BICD1: variants seen among roughly 807,000 people sequenced by gnomAD.
BICD1 encodes the protein BICD cargo adaptor 1.
In BICD1, 35 loss-of-function variants were observed where a neutral mutation model predicts 92.5. The observed-to-expected ratio is 0.38, with a 90% CI of 0.29 to 0.50. The LOEUF (loss-of-function observed/expected upper bound fraction) is 0.50. Among genes scored for constraint, BICD1 ranks in the 20% least tolerant of loss-of-function variants. BICD1 has a pLI of 0.93. For missense variants in BICD1, 950 were observed against 1,189.8 expected (o/e 0.80, Z 2.97); for synonymous variants, 429 against 465.1 (o/e 0.92, Z 1.00).
intron 2 of BICD1, among the ~76,000 whole-genome samples, chr12:32,249,663 G>A (rs1393376806): frequency 6.6e-6 from 1 of 151,130 alleles, no homozygotes; most frequent in Non-Finnish European, 1.5e-5. Context: ...GACTCCTTGA[G>A]ATGGAGTTTT....
chr12:32,284,262 C>T (rs1289986146), intron 2 of BICD1, among the ~76,000 whole-genome samples: 2 of 152,190 alleles, frequency 1.3e-5, no homozygotes, highest in Non-Finnish European at 2.9e-5. Flanking sequence ...CCACCTGGAC[C>T]AGATCAGTTG....
rs538024648 is a variant in BICD1, at chr12:32,362,513, C to T, written c.2765-5157C>T. Reference sequence around the variant, plus strand: ...CACCTCTTTTTAAAAACAATATTATCTTCATTCCTGTACCCTTCATTTTGC... The same window carrying T: ...CACCTCTTTTTAAAAACAATATTATTTTCATTCCTGTACCCTTCATTTTGC... On this transcript the variant is annotated intron_variant, in intron 8 of 9. Coordinates refer to ENST00000652176, the MANE Select transcript of BICD1 (RefSeq NM_001714.4). Among the ~76,000 whole-genome samples the T allele has an allele frequency of 2.8e-4, 43 of 152,294 alleles. No individual in the cohort carries two copies. In the South Asian group the frequency reaches 8.3e-3, roughly 29 times the overall value.
chr12:32,202,002 A>G (rs1450129136), intron 1 of BICD1, among the ~76,000 whole-genome samples: 1 of 152,228 alleles, frequency 6.6e-6, no homozygotes, highest in Non-Finnish European at 1.5e-5. Flanking sequence ...ACTAGCTTTT[A>G]ACACAGCCAG....
At chr12:32,232,420 C>T (rs1389347207) in intron 2 of BICD1, among the ~76,000 whole-genome samples, 2 of 151,976 alleles carry the variant, frequency 1.3e-5, no homozygotes. Context: ...CCTTCACCTA[C>T]TTTTTGATGG....
intron 1 of BICD1, among the ~76,000 whole-genome samples, chr12:32,188,750 C>T (rs1445436173): frequency 1.3e-5 from 2 of 149,262 alleles, no homozygotes; most frequent in Non-Finnish European, 1.5e-5. Context: ...TTTTTTGAGA[C>T]AGAGTCTCAC....
chr12:32,146,249 A>C (rs1348588521), intron 1 of BICD1, among the ~76,000 whole-genome samples: 1 of 152,218 alleles, frequency 6.6e-6, no homozygotes, highest in African/African-American at 2.4e-5. Flanking sequence ...TCACTGTTAC[A>C]TGTTAGCCAA....
At chr12:32,339,315 AT>A (rs1938263923) in intron 8 of BICD1, 3 of 1,025,806 alleles carry the variant, frequency 2.9e-6, no homozygotes, top group Non-Finnish European at 3.5e-6. Flanking sequence ...TCTTGGTCAG[AT>A]TTGGCCAGTT....
intron 1 of BICD1, among the ~76,000 whole-genome samples, chr12:32,163,687 T>C (rs1326691042): frequency 6.6e-6 from 1 of 152,224 alleles, no homozygotes; most frequent in Non-Finnish European, 1.5e-5. Context: ...TTTTCCAGTA[T>C]TGTAGTCATG....
In BICD1 at chr12:32,255,046, T is replaced by A. The variant is rs538400426; in HGVS notation, c.426+38587T>A. Among the ~76,000 whole-genome samples the A allele has an allele frequency of 2.6e-5, 4 of 152,232 alleles. No individual in the cohort carries two copies. In the South Asian group the frequency reaches 8.3e-4, roughly 32 times the overall value. On this transcript the variant is annotated intron_variant, in intron 2 of 9. Coordinates refer to ENST00000652176, the MANE Select transcript of BICD1 (RefSeq NM_001714.4). ...AACAGAAATTGATTTCTCACAGTTC[T>A]GGAGTCTGAGAGGTCTAAGATCGAG... is the stretch of plus-strand genomic sequence containing the variant.
At chr12:32,360,116 G>A (rs1939265852) in intron 8 of BICD1, among the ~76,000 whole-genome samples, 2 of 151,808 alleles carry the variant, frequency 1.3e-5, no homozygotes, top group Admixed American at 1.3e-4. Flanking sequence ...ACCCAGGAGG[G>A]GGAGCTTGCC....
At position 32,334,687 on chromosome 12, in the gene BICD1, A is replaced by G. The variant is rs770721173; in HGVS notation, c.2252+20A>G. ...AACAAGGTAACAGTATTTTCTTCCT[A>G]TGACTGGGTGTGGTAGGTGGGGTAA... On this transcript the variant is annotated intron_variant, in intron 6 of 9. Coordinates refer to ENST00000652176, the MANE Select transcript of BICD1 (RefSeq NM_001714.4). 14 of 1,601,120 alleles carry G rather than the reference A, an allele frequency of 8.7e-6. No individual in the cohort carries two copies. The Middle Eastern group carries it at 2.2e-3, about 247-fold the overall frequency.
chr12:32,118,093 T>TTTATTTTATTTTA (rs1555126600), intron 1 of BICD1, among the ~76,000 whole-genome samples: 1 of 150,434 alleles, frequency 6.6e-6, no homozygotes, highest in African/African-American at 2.5e-5. Context: ...TTTTATTTAT[T>TTTATTTTATTTTA]TTTTTTGAGA....
Position 32,302,414 on chromosome 12 carries a change from A to G in BICD1, c.580-3283A>G, listed in dbSNP as rs139158374. On this transcript the variant is annotated intron_variant, in intron 3 of 9. Transcript: ENST00000652176. ...CACGGGAGCACACACCAGCCTGGGGAGCCCACTAGAGTACAGAATGCAAAC... is the reference window on the plus strand; with the variant it reads ...CACGGGAGCACACACCAGCCTGGGGGGCCCACTAGAGTACAGAATGCAAAC... 4.5e-4 allele frequency among the ~76,000 whole-genome samples: 69 copies of G among 152,250 alleles called. No homozygotes were observed. In the East Asian group the frequency reaches 0.013, roughly 28 times the overall value.
intron 4 of BICD1, among the ~76,000 whole-genome samples, chr12:32,322,298 G>T (rs998563479): frequency 1.6e-4 from 24 of 152,086 alleles, no homozygotes; most frequent in African/African-American, 5.8e-4. Context: ...CAGCAGAAAC[G>T]TATTAAATAT....
chr12:32,162,029 C>T (rs1943616073), intron 1 of BICD1, among the ~76,000 whole-genome samples: 1 of 152,150 alleles, frequency 6.6e-6, no homozygotes. Context: ...CCCGTCAGCA[C>T]CCATGAAGTA....
At chr12:32,359,095 G>A (rs1565695208) in intron 8 of BICD1, among the ~76,000 whole-genome samples, 1 of 152,108 alleles carries the variant, frequency 6.6e-6, no homozygotes, top group African/African-American at 2.4e-5. Context: ...TAACCATGGC[G>A]TGTTGATTTT....
intron 1 of BICD1, among the ~76,000 whole-genome samples, chr12:32,174,270 T>C (rs556584810): frequency 6.6e-6 from 1 of 152,338 alleles, no homozygotes; most frequent in South Asian, 2.1e-4. Flanking sequence ...CACAAAAACA[T>C]CTGCCAGTTG....
chr12:32,165,779 A>G (rs1439826944), intron 1 of BICD1, among the ~76,000 whole-genome samples: 1 of 152,092 alleles, frequency 6.6e-6, no homozygotes, highest in Non-Finnish European at 1.5e-5. Context: ...CCTCAAACTC[A>G]TTTCCAACTC....
intron 8 of BICD1, among the ~76,000 whole-genome samples, chr12:32,350,207 G>A (rs1395911176): frequency 6.6e-6 from 1 of 152,196 alleles, no homozygotes; most frequent in African/African-American, 2.4e-5. Context: ...AGTGAGCCAG[G>A]CGTGGTGGCT....
Sources: gnomAD v4.1 joint callset for allele counts (sites outside exome capture counted in the v4.1 genomes callset) on GRCh38, gnomAD v4.1.1 for gene constraint, MANE v1.5 for transcripts, NCBI Gene and HGNC (gene_info 2026-07-23, HGNC 2026-07-21) for gene names.